Variants in RBFOX1 observed in about 807,000 individuals in gnomAD.
RBFOX1 encodes the protein RNA binding protein fox-1 homolog 1.
RBFOX1 carries 8 observed loss-of-function variants against 57.7 expected under a neutral mutation model. The ratio of observed to expected loss-of-function variants is 0.14; its 90% confidence interval spans 0.08 to 0.25. The LOEUF (loss-of-function observed/expected upper bound fraction) is 0.25. RBFOX1 is among the 10% of genes least tolerant of loss of function. The probability of loss-of-function intolerance (pLI) is 1.00; values close to 1 mark genes in which losing one functional copy is unlikely to be tolerated. For synonymous variants in RBFOX1, 326 were observed against 222.4 expected (o/e 1.47, Z -4.15); for missense variants, 611 against 548.5 (o/e 1.11, Z -1.14).
intron 3 of RBFOX1, among the ~76,000 whole-genome samples, chr16:6,745,342 A>G (rs2073325645): frequency 6.6e-6 from 1 of 151,894 alleles, no homozygotes; most frequent in African/African-American, 2.4e-5. Context: ...AAAAATTCAC[A>G]AGAAAAAACC....
At chr16:5,342,462 G>A (rs1226081030) in intron 1 of RBFOX1, among the ~76,000 whole-genome samples, 2 of 152,050 alleles carry the variant, frequency 1.3e-5, no homozygotes, top group Non-Finnish European at 2.9e-5. Flanking sequence ...TGTGACCCTG[G>A]GAATGTCATC....
At chr16:6,982,780 G>A (rs997903213) in intron 3 of RBFOX1, among the ~76,000 whole-genome samples, 3 of 152,088 alleles carry the variant, frequency 2.0e-5, no homozygotes, top group African/African-American at 4.8e-5. Flanking sequence ...ATCACCTGAG[G>A]TCAGGAGTTC....
At chr16:5,381,818 G>C (rs1261588782) in intron 1 of RBFOX1, among the ~76,000 whole-genome samples, 2 of 152,248 alleles carry the variant, frequency 1.3e-5, no homozygotes, top group Admixed American at 1.3e-4. Flanking sequence ...AAGGCTCAGA[G>C]AGGCTAAAAG....
intron 4 of RBFOX1, among the ~76,000 whole-genome samples, chr16:5,943,443 G>A (rs193193397): frequency 6.6e-6 from 1 of 152,034 alleles, no homozygotes; most frequent in African/African-American, 2.4e-5. Flanking sequence ...AACATTTCTG[G>A]GTCAAAAGAA....
At chr16:6,908,449 A>C (rs750812302) in intron 3 of RBFOX1, among the ~76,000 whole-genome samples, 1 of 151,972 alleles carries the variant, frequency 6.6e-6, no homozygotes, top group African/African-American at 2.4e-5. Context: ...CTCTGGTGTG[A>C]CCTCTTCTAG....
chr16:5,603,575 G>A (rs1183527580), downstream of RBFOX1, among the ~76,000 whole-genome samples: 1 of 152,214 alleles, frequency 6.6e-6, no homozygotes, highest in Non-Finnish European at 1.5e-5. Context: ...TCAATTACTT[G>A]TGCAAGTCCT....
chr16:6,110,203 T>TC (rs567413233), intron 1 of RBFOX1, among the ~76,000 whole-genome samples: 72 of 150,662 alleles, frequency 4.8e-4, no homozygotes, highest in Non-Finnish European at 7.8e-4. Context: ...TTCTTTTTTT[T>TC]TTTTTTTTAG....
At position 6,900,110 on chromosome 16, in the gene RBFOX1, G is replaced by A. The variant is rs1295977620; in HGVS notation, c.-15-151947G>A. Among the ~76,000 whole-genome samples the A allele has an allele frequency of 3.3e-5, 5 of 152,024 alleles. No individual in the cohort carries two copies. In the East Asian group the frequency reaches 7.7e-4, roughly 23 times the overall value. The stretch of plus-strand genomic sequence containing the variant: ...AACAGTTCCTGGCACATGAAACAAA[G>A]GTTTATTTGAGTTTTTCTTTAGTTA... On this transcript the variant is annotated intron_variant, in intron 3 of 15. Coordinates refer to ENST00000550418, the MANE Select transcript of RBFOX1 (RefSeq NM_018723.4).
At chr16:7,323,206 T>G (rs1603620652) in intron 4 of RBFOX1, among the ~76,000 whole-genome samples, 1 of 152,264 alleles carries the variant, frequency 6.6e-6, no homozygotes, top group Non-Finnish European at 1.5e-5. Context: ...GGAGGATCAC[T>G]TGATCCCAGG....
At chr16:5,247,533 A>T (rs747774009) in intron 1 of RBFOX1, among the ~76,000 whole-genome samples, 21 of 152,166 alleles carry the variant, frequency 1.4e-4, no homozygotes, top group Non-Finnish European at 2.4e-4. Flanking sequence ...GGGTCCTTGG[A>T]GATCACGCTG....
At chr16:7,528,742 C>T (rs537274282) in intron 5 of RBFOX1, among the ~76,000 whole-genome samples, 2 of 152,258 alleles carry the variant, frequency 1.3e-5, no homozygotes, top group South Asian at 2.1e-4. Context: ...ATTTTATGCC[C>T]TTAATTCATG....
At chr16:7,020,316 G>A (rs368354992) in intron 3 of RBFOX1, among the ~76,000 whole-genome samples, 21 of 151,648 alleles carry the variant, frequency 1.4e-4, no homozygotes, top group Admixed American at 6.6e-4. Context: ...ACCTCTGTCC[G>A]CCAGGTTCAA....
intron 3 of RBFOX1, among the ~76,000 whole-genome samples, chr16:6,711,312 G>GA (rs1357153126): frequency 2.0e-5 from 3 of 152,058 alleles, no homozygotes; most frequent in African/African-American, 4.8e-5. Context: ...GAGAATAAAA[G>GA]AAAAAGTCCT....
At position 7,005,221 on chromosome 16, in the gene RBFOX1, C is replaced by T. The variant is rs149088343; in HGVS notation, c.-15-46836C>T. Among the ~76,000 whole-genome samples, 1,044 of 152,206 alleles carry T rather than the reference C, an allele frequency of 6.9e-3. 13 individuals carry two copies. The highest frequency in any genetic ancestry group is 0.024 in the African/African-American group (994 of 41,516). On this transcript the variant is annotated intron_variant, in intron 3 of 15. Coordinates refer to ENST00000550418, the MANE Select transcript of RBFOX1 (RefSeq NM_018723.4). ...CTCACCTTTTTGTGTGTGGGACATA[C>T]AGTATGAAAAGATGAGTGCTAATAG...
intron 4 of RBFOX1, among the ~76,000 whole-genome samples, chr16:7,156,526 T>TATATGTGTACATATGCATGTAGATATAC (rs2077180742): frequency 1.3e-5 from 2 of 152,136 alleles, no homozygotes; most frequent in African/African-American, 4.8e-5. Context: ...CATGTAGATA[T>TATATGTGTACATATGCATGTAGATATAC]ATATGTGTAC....
intron 2 of RBFOX1, among the ~76,000 whole-genome samples, chr16:6,378,717 G>A (rs1460511057): frequency 6.6e-6 from 1 of 152,142 alleles, no homozygotes; most frequent in Non-Finnish European, 1.5e-5. Flanking sequence ...CCCAGTTAAA[G>A]CATATGCCAA....
rs191971340 is a variant in RBFOX1 at position 7,596,315 on chromosome 16, A to G, written c.561+674A>G. Among the ~76,000 whole-genome samples, 40 of 151,692 alleles carry G rather than the reference A, an allele frequency of 2.6e-4. No homozygotes were observed. The East Asian group carries it at 2.7e-3, about 10-fold the overall frequency. On this transcript the variant is annotated intron_variant, in intron 8 of 15. Transcript: ENST00000550418. Reference sequence around the variant, plus strand: ...AAAATACTGACATTCAGAGTCTGCTATTTGTCCCACTGGGATCTCCCGCAA... The same window carrying G: ...AAAATACTGACATTCAGAGTCTGCTGTTTGTCCCACTGGGATCTCCCGCAA...
intron 1 of RBFOX1, among the ~76,000 whole-genome samples, chr16:6,052,750 C>T (rs1481721354): frequency 1.3e-5 from 2 of 151,206 alleles, no homozygotes; most frequent in Admixed American, 6.6e-5. Context: ...CGCCACTGCA[C>T]TCCAGCCTGG....
rs1305691134 is a variant in RBFOX1, at chr16:5,403,361, A to AC, written c.220-63855_220-63854insC. ...TGAAACGCTGTCTCAAAAAAAAAAA[A>AC]AAAAAACAAAAAACAAACAAACAAA... On this transcript the variant is annotated intron_variant, in intron 1 of 2. Coordinates refer to the RBFOX1 transcript ENST00000585867. Among the ~76,000 whole-genome samples the AC allele has an allele frequency of 3.7e-4, 54 of 147,182 alleles. 1 individual carries two copies. Among genetic ancestry groups the AC allele is most frequent in the African/African-American group, 1.3e-3 (51 of 38,508 alleles).
Sources: gnomAD v4.1 joint callset for allele counts (sites outside exome capture counted in the v4.1 genomes callset) on GRCh38, gnomAD v4.1.1 for gene constraint, MANE v1.5 for transcripts, NCBI Gene and HGNC (gene_info 2026-07-23, HGNC 2026-07-21) for gene names.